The following RTL9 variants were observed in gnomAD, a reference collection of about 807,000 sequenced individuals.
RTL9 encodes retrotransposon Gag-like protein 9.
A neutral mutation model predicts 44.7 loss-of-function variants in RTL9; 19 were observed. The ratio of observed to expected loss-of-function variants is 0.42; its 90% CI spans 0.30 to 0.62. The LOEUF is 0.62. Among genes scored for constraint, RTL9 ranks in the 20% least tolerant of loss-of-function variants. RTL9 has a pLI of 0.16. For missense variants in RTL9, 1,105 were observed against 1,080.6 expected (o/e 1.02, Z -0.32); for synonymous variants, 407 against 398.9 (o/e 1.02, Z -0.24).
At chrX:110,400,998 ATTTCT>A (rs984076009) in intron 1 of RTL9, among the ~76,000 whole-genome samples, 11 of 112,097 alleles carry the variant, frequency 9.8e-5, no homozygotes, top group Admixed American at 9.4e-4. Flanking sequence ...TATTTAATGA[ATTTCT>A]TTTAAGTGCC....
At chrX:110,370,846 T>C (rs1485026498) in intron 1 of RTL9, among the ~76,000 whole-genome samples, 2 of 112,235 alleles carry the variant, frequency 1.8e-5, no homozygotes, top group Admixed American at 9.4e-5. Flanking sequence ...TTTTGGACTA[T>C]GGGCAGGCAG....
chrX:110,436,404 C>G (rs1569429769), intron 1 of RTL9, among the ~76,000 whole-genome samples: 1 of 112,055 alleles, frequency 8.9e-6, no homozygotes, highest in African/African-American at 3.2e-5. Flanking sequence ...CACAAACCCA[C>G]TCTGTATCTT....
chrX:110,453,362 G>T, exon 1 of RTL9: 1 of 1,211,439 alleles, frequency 8.3e-7, no homozygotes, highest in East Asian at 3.0e-5. Context: ...CACCACTAAG[G>T]AGACCCTCAG....
At chrX:110,410,998 A>G (rs2068638364) in intron 1 of RTL9, among the ~76,000 whole-genome samples, 1 of 112,484 alleles carries the variant, frequency 8.9e-6, no homozygotes, top group African/African-American at 3.2e-5. Flanking sequence ...CTCTGCCTCC[A>G]GTCTTCTGTG....
At chrX:110,396,827 G>A (rs5985466) in intron 1 of RTL9, among the ~76,000 whole-genome samples, 1,220 of 112,169 alleles carry the variant, frequency 0.011, 10 homozygotes, top group Middle Eastern at 0.023. Flanking sequence ...GGACAGTACC[G>A]TGTGTTTTCT....
At chrX:110,373,270 T>A (rs765898239) in intron 1 of RTL9, among the ~76,000 whole-genome samples, 25 of 111,757 alleles carry the variant, frequency 2.2e-4, no homozygotes, top group African/African-American at 7.5e-4. Context: ...TTCCTTAGGA[T>A]GAGGTGGAAA....
intron 1 of RTL9, among the ~76,000 whole-genome samples, chrX:110,406,249 C>G (rs1191624504): frequency 9.1e-6 from 1 of 109,575 alleles, no homozygotes; most frequent in African/African-American, 3.3e-5. Context: ...TAATGCTATC[C>G]CTCCCCTAGC....
chrX:110,400,890 C>T (rs774968787), intron 1 of RTL9, among the ~76,000 whole-genome samples: 2 of 111,801 alleles, frequency 1.8e-5, no homozygotes, highest in East Asian at 5.6e-4. Context: ...AATGAATGCT[C>T]CCAGTTCTTC....
intron 1 of RTL9, among the ~76,000 whole-genome samples, chrX:110,441,210 A>G (rs1308122150): frequency 1.8e-5 from 2 of 111,958 alleles, no homozygotes; most frequent in Non-Finnish European, 3.8e-5. Flanking sequence ...TCTTCATTCT[A>G]ATTCTAACCC....
At position 110,454,584 on chromosome X, in the gene RTL9, C is replaced by T; in HGVS notation, c.3967C>T (p.Gln1323Ter). 1 of 1,211,607 alleles carries T rather than the reference C, an allele frequency of 8.3e-7. No homozygotes were observed. The highest frequency in any genetic ancestry group is 1.1e-6 in the Non-Finnish European group (1 of 895,362). The change falls in exon 1 of 2, where the codon CAG (glutamine) becomes TAG (stop). Residue 1323 changes from glutamine (Q) to a stop codon, truncating the protein, a stop_gained. Coordinates refer to ENST00000540313, the Ensembl canonical transcript of RTL9. LOFTEE classifies it high-confidence loss of function. ...GAAGGATTCCCCAGGCAACTCAAGC[C>T]AGGTTCTGCCAACAGCCTGTAAGCG...
chrX:110,386,446 GA>G (rs1185422392), intron 1 of RTL9, among the ~76,000 whole-genome samples: 1 of 110,793 alleles, frequency 9.0e-6, no homozygotes, highest in Non-Finnish European at 1.9e-5. Flanking sequence ...TAATGAGGTT[GA>G]GTATCTTTTC....
intron 1 of RTL9, among the ~76,000 whole-genome samples, chrX:110,406,396 G>A (rs1253115438): frequency 5.4e-5 from 6 of 111,235 alleles, no homozygotes; most frequent in African/African-American, 2.0e-4. Context: ...TGAGAATGAT[G>A]GTTTCCAGCT....
At chrX:110,421,314 A>G (rs921594174) in intron 1 of RTL9, among the ~76,000 whole-genome samples, 1 of 112,615 alleles carries the variant, frequency 8.9e-6, no homozygotes, top group Non-Finnish European at 1.9e-5. Flanking sequence ...GGAGTTGTAC[A>G]CCCTAGTGGC....
At chrX:110,395,731 C>T (rs1364302694) in intron 1 of RTL9, among the ~76,000 whole-genome samples, 5 of 110,598 alleles carry the variant, frequency 4.5e-5, no homozygotes, top group South Asian at 3.9e-4. Flanking sequence ...TTGCTTGTGA[C>T]CTAAGGAGGC....
intron 1 of RTL9, among the ~76,000 whole-genome samples, chrX:110,379,835 A>G (rs749661992): frequency 1.7e-4 from 19 of 112,309 alleles, no homozygotes; most frequent in Non-Finnish European, 3.4e-4. Context: ...AATCCCCTAA[A>G]TATATCAATT....
At chrX:110,392,293 T>C (rs1328952782) in intron 1 of RTL9, among the ~76,000 whole-genome samples, 1 of 105,310 alleles carries the variant, frequency 9.5e-6, no homozygotes, top group African/African-American at 3.5e-5. Context: ...TTTTTTTTTT[T>C]TGAGACAAGG....
chrX:110,431,538 C>T (rs1204561354), intron 1 of RTL9, among the ~76,000 whole-genome samples: 1 of 107,535 alleles, frequency 9.3e-6, no homozygotes, highest in Non-Finnish European at 1.9e-5. Flanking sequence ...AGGCAGTTAG[C>T]TCCAATTTGG....
chrX:110,397,603 T>C (rs2068536412), intron 1 of RTL9, among the ~76,000 whole-genome samples: 1 of 110,738 alleles, frequency 9.0e-6, no homozygotes, highest in African/African-American at 3.3e-5. Context: ...AGAGACACAG[T>C]CACTGCTGGG....
chrX:110,437,001 C>T (rs1054443151), intron 1 of RTL9, among the ~76,000 whole-genome samples: 7 of 112,196 alleles, frequency 6.2e-5, no homozygotes, highest in East Asian at 5.6e-4. Context: ...GATTCCATTT[C>T]GCCTCTAGGA....
Sources: gnomAD v4.1 joint callset for allele counts (sites outside exome capture counted in the v4.1 genomes callset) on GRCh38, gnomAD v4.1.1 for gene constraint, MANE v1.5 for transcripts, NCBI Gene and HGNC (gene_info 2026-07-23, HGNC 2026-07-21) for gene names.